The following GRIN2A variants were observed in gnomAD, a reference collection of about 807,000 sequenced individuals.
GRIN2A encodes glutamate receptor ionotropic, NMDA 2A.
In GRIN2A, 22 loss-of-function variants were observed where a neutral mutation model predicts 113.4. The observed-to-expected ratio is 0.19, with a 90% CI of 0.14 to 0.28. The LOEUF is 0.28. Among genes scored for constraint, GRIN2A ranks in the 10% least tolerant of loss-of-function variants. The pLI is 1.00. For synonymous variants in GRIN2A, 827 were observed against 738.4 expected (o/e 1.12, Z -1.94); for missense variants, 1,502 against 1,887.0 (o/e 0.80, Z 3.78).
chr16:10,152,517 C>T (rs920558439), intron 2 of GRIN2A, among the ~76,000 whole-genome samples: 42 of 152,158 alleles, frequency 2.8e-4, no homozygotes, highest in Admixed American at 2.1e-3. Context: ...CGTTTTCCCC[C>T]CAACCATCAC....
chr16:9,894,062 C>G (rs1289188465), intron 3 of GRIN2A, among the ~76,000 whole-genome samples: 2 of 152,126 alleles, frequency 1.3e-5, no homozygotes, highest in South Asian at 4.2e-4. Context: ...CCTGGGGAAT[C>G]TGGGGAGGGC....
intron 2 of GRIN2A, among the ~76,000 whole-genome samples, chr16:10,099,479 G>A (rs1023000508): frequency 1.6e-5 from 2 of 123,468 alleles, no homozygotes; most frequent in Non-Finnish European, 3.6e-5. Context: ...TCCCTCCCTT[G>A]CACCCCCTTC....
At chr16:9,786,438 G>T (rs1317048467) in intron 11 of GRIN2A, among the ~76,000 whole-genome samples, 1 of 151,952 alleles carries the variant, frequency 6.6e-6, no homozygotes, top group Non-Finnish European at 1.5e-5. Context: ...CATGAACAAT[G>T]GAAAAAAAGT....
chr16:9,802,014 G>C (rs1903392200), intron 10 of GRIN2A, among the ~76,000 whole-genome samples: 1 of 152,214 alleles, frequency 6.6e-6, no homozygotes, highest in Non-Finnish European at 1.5e-5. Context: ...GTCATTGTCT[G>C]AGATACCATC....
intron 2 of GRIN2A, among the ~76,000 whole-genome samples, chr16:10,151,945 G>A (rs1308419731): frequency 6.6e-6 from 1 of 152,188 alleles, no homozygotes; most frequent in Non-Finnish European, 1.5e-5. Context: ...CCAGCAGGAA[G>A]AGAAATGCTG....
intron 2 of GRIN2A, among the ~76,000 whole-genome samples, chr16:10,167,095 T>C (rs2049940780): frequency 6.7e-6 from 1 of 148,818 alleles, no homozygotes; most frequent in Non-Finnish European, 1.5e-5. Context: ...TTAATGCAAC[T>C]AGCGCCTGCA....
At chr16:10,112,984 C>T (rs113629870) in intron 2 of GRIN2A, 55,587 of 327,368 alleles carry the variant, frequency 0.17, 5,944 homozygotes, top group East Asian at 0.37. Flanking sequence ...ATTTGCACTA[C>T]GGGTTCCCCA....
At chr16:9,788,460 G>A (rs569827429) in intron 11 of GRIN2A, among the ~76,000 whole-genome samples, 29 of 152,010 alleles carry the variant, frequency 1.9e-4, no homozygotes, top group African/African-American at 7.0e-4. Context: ...GTTTTGCCAT[G>A]TTGGCCAGGC....
intron 2 of GRIN2A, among the ~76,000 whole-genome samples, chr16:10,039,773 AGGGAG>A (rs2047109458): frequency 3.2e-5 from 1 of 31,038 alleles, no homozygotes; most frequent in African/African-American, 1.3e-4. Flanking sequence ...AGGGAGGGAG[AGGGAG>A]GGGGAGGGGG....
chr16:10,115,521 C>A (rs796436847), intron 2 of GRIN2A, among the ~76,000 whole-genome samples: 12 of 152,328 alleles, frequency 7.9e-5, no homozygotes, highest in African/African-American at 2.6e-4. Flanking sequence ...TGCGCCCCCC[C>A]ATAAATCATT....
chr16:10,051,274 T>A (rs2047354959), intron 2 of GRIN2A, among the ~76,000 whole-genome samples: 1 of 152,314 alleles, frequency 6.6e-6, no homozygotes, highest in African/African-American at 2.4e-5. Context: ...CTCCATGGAA[T>A]TCTAAGCTCA....
chr16:9,902,380 T>C (rs1177560467), intron 3 of GRIN2A, among the ~76,000 whole-genome samples: 1 of 152,194 alleles, frequency 6.6e-6, no homozygotes, highest in East Asian at 1.9e-4. Flanking sequence ...TCTTGAATTA[T>C]GATGTGGAAG....
At chr16:10,094,371 A>G (rs531044590) in intron 2 of GRIN2A, among the ~76,000 whole-genome samples, 149 of 152,210 alleles carry the variant, frequency 9.8e-4, no homozygotes, top group Non-Finnish European at 1.7e-3. Flanking sequence ...TTCTTCATCT[A>G]TAGAATGTGG....
intron 2 of GRIN2A, among the ~76,000 whole-genome samples, chr16:10,074,547 C>T (rs554193936): frequency 6.6e-6 from 1 of 152,064 alleles, no homozygotes; most frequent in Non-Finnish European, 1.5e-5. Flanking sequence ...TGTTATACAC[C>T]CATAAAAAGG....
intron 2 of GRIN2A, among the ~76,000 whole-genome samples, chr16:10,030,960 T>C (rs1309472718): frequency 6.6e-6 from 1 of 152,200 alleles, no homozygotes; most frequent in East Asian, 1.9e-4. Flanking sequence ...TCATGCACCA[T>C]CTAGGGGGTA....
At chr16:9,888,129 C>T (rs374683957) in intron 4 of GRIN2A, among the ~76,000 whole-genome samples, 7 of 152,048 alleles carry the variant, frequency 4.6e-5, no homozygotes, top group South Asian at 2.1e-4. Context: ...TTAGTAGAGA[C>T]GGGGTTTCAC....
chr16:10,042,141 T>G (rs1016333097), intron 2 of GRIN2A, among the ~76,000 whole-genome samples: 1 of 152,192 alleles, frequency 6.6e-6, no homozygotes, highest in African/African-American at 2.4e-5. Context: ...GAATTTCTGT[T>G]GTACCACACA....
chr16:9,779,270 C>A (rs1901798173), intron 11 of GRIN2A, among the ~76,000 whole-genome samples: 1 of 152,236 alleles, frequency 6.6e-6, no homozygotes, highest in Non-Finnish European at 1.5e-5. Flanking sequence ...TCCAAGGTAA[C>A]CTATGCTGTG....
At chr16:9,842,307 T>C (rs546902648) in intron 5 of GRIN2A, among the ~76,000 whole-genome samples, 1 of 152,108 alleles carries the variant, frequency 6.6e-6, no homozygotes, top group South Asian at 2.1e-4. Context: ...ATCCAACGGA[T>C]AGCAAAAAGT....
Sources: allele counts gnomAD v4.1 joint callset (sites outside exome capture counted in the v4.1 genomes callset), GRCh38; gene constraint gnomAD v4.1.1; transcripts MANE v1.5; gene names NCBI Gene and HGNC (gene_info 2026-07-23, HGNC 2026-07-21).